The following EPHB1 variants were observed in gnomAD, a reference collection of about 807,000 sequenced individuals.
EPHB1 encodes the protein EPH receptor B1, also known as ephrin type-B receptor 1.
EPHB1 carries 30 observed loss-of-function variants against 94.4 expected under a neutral mutation model. The observed-to-expected ratio is 0.32, with a 90% CI of 0.24 to 0.43. The LOEUF (loss-of-function observed/expected upper bound fraction) is 0.43, where lower values mean the gene tolerates loss of function less well. Ranked by LOEUF, EPHB1 falls within the 20% of genes least tolerant of loss-of-function variation. The pLI, the probability that EPHB1 is intolerant of heterozygous loss-of-function variation, is 1.00. For missense variants in EPHB1, 1,055 were observed against 1,308.3 expected, an observed-to-expected ratio of 0.81 and a Z score of 2.99; for synonymous variants, 522 against 489.1, an observed-to-expected ratio of 1.07 and a Z score of -0.89.
At chr3:134,816,662 T>C (rs1415988631) in intron 1 of EPHB1, among the ~76,000 whole-genome samples, 1 of 151,978 alleles carries the variant, frequency 6.6e-6, no homozygotes, top group Non-Finnish European at 1.5e-5. Flanking sequence ...TCTGGGAAAA[T>C]TGATCCCTAA....
At chr3:135,145,450 T>C (rs895966322) in intron 5 of EPHB1, among the ~76,000 whole-genome samples, 1 of 152,166 alleles carries the variant, frequency 6.6e-6, no homozygotes, top group African/African-American at 2.4e-5. Context: ...TCAGCATTGT[T>C]TGGGTCTCTC....
At chr3:135,157,532 C>T (rs971523484) in intron 6 of EPHB1, among the ~76,000 whole-genome samples, 2 of 152,246 alleles carry the variant, frequency 1.3e-5, no homozygotes, top group Admixed American at 1.3e-4. Context: ...ACATACACAG[C>T]AGCCCAATGC....
chr3:134,872,795 T>A (rs1164302213), intron 1 of EPHB1, among the ~76,000 whole-genome samples: 1 of 152,212 alleles, frequency 6.6e-6, no homozygotes, highest in Non-Finnish European at 1.5e-5. Context: ...AATATTCTTG[T>A]ATGCCTCCCC....
intron 3 of EPHB1, among the ~76,000 whole-genome samples, chr3:135,014,326 C>T (rs922152878): frequency 6.6e-6 from 1 of 152,166 alleles, no homozygotes; most frequent in Non-Finnish European, 1.5e-5. Context: ...GTGGCCCATG[C>T]TCTATGGCCC....
At chr3:135,176,955 C>G (rs897419987) in intron 9 of EPHB1, among the ~76,000 whole-genome samples, 4 of 152,180 alleles carry the variant, frequency 2.6e-5, no homozygotes, top group Non-Finnish European at 5.9e-5. Flanking sequence ...AAGCGGCTTA[C>G]AACCCCCACT....
chr3:134,815,661 G>C (rs995521246), intron 1 of EPHB1, among the ~76,000 whole-genome samples: 2 of 152,144 alleles, frequency 1.3e-5, no homozygotes, highest in African/African-American at 4.8e-5. Context: ...CCTCTAAAAA[G>C]GCTGAACCAA....
chr3:135,169,699 C>G (rs9845406), intron 9 of EPHB1, among the ~76,000 whole-genome samples: 98,726 of 151,990 alleles, frequency 0.65, 32,412 homozygotes, highest in Middle Eastern at 0.77. Context: ...GGTTAGGGAA[C>G]TCCCTACATT....
At chr3:135,142,902 T>G (rs1940876841) in intron 5 of EPHB1, among the ~76,000 whole-genome samples, 1 of 152,128 alleles carries the variant, frequency 6.6e-6, no homozygotes, top group South Asian at 2.1e-4. Flanking sequence ...AGTGGTGGTC[T>G]AGCCAAATGG....
chr3:135,224,406 C>T (rs1405968217), intron 12 of EPHB1, among the ~76,000 whole-genome samples: 2 of 152,160 alleles, frequency 1.3e-5, no homozygotes, highest in Non-Finnish European at 1.5e-5. Flanking sequence ...TGGCTATAAT[C>T]CTACATAAAT....
chr3:135,079,865 T>C (rs1021797896), intron 3 of EPHB1, among the ~76,000 whole-genome samples: 4 of 152,042 alleles, frequency 2.6e-5, no homozygotes, highest in Non-Finnish European at 5.9e-5. Context: ...GCTATCTCCA[T>C]TCTCTAATGC....
chr3:135,074,179 A>C (rs1475223072), intron 3 of EPHB1, among the ~76,000 whole-genome samples: 1 of 152,252 alleles, frequency 6.6e-6, no homozygotes, highest in Non-Finnish European at 1.5e-5. Context: ...TAAGAAAGGC[A>C]TATAAATGCT....
chr3:134,905,453 C>A (rs1204610322), intron 1 of EPHB1, among the ~76,000 whole-genome samples: 1 of 152,232 alleles, frequency 6.6e-6, no homozygotes, highest in African/African-American at 2.4e-5. Flanking sequence ...TTACTGACTG[C>A]CCAGCATTGC....
At chr3:135,124,335 A>G (rs949754186) in intron 4 of EPHB1, among the ~76,000 whole-genome samples, 2 of 151,772 alleles carry the variant, frequency 1.3e-5, no homozygotes, top group African/African-American at 4.9e-5. Flanking sequence ...GTGTATCATC[A>G]GAGCCCTATG....
intron 12 of EPHB1, among the ~76,000 whole-genome samples, chr3:135,222,143 C>T (rs1344081698): frequency 6.6e-6 from 1 of 152,174 alleles, no homozygotes; most frequent in Non-Finnish European, 1.5e-5. Flanking sequence ...GAGGTATTTA[C>T]TTCATGAGCC....
At chr3:135,194,168 C>T (rs1942535151) in intron 11 of EPHB1, among the ~76,000 whole-genome samples, 1 of 152,180 alleles carries the variant, frequency 6.6e-6, no homozygotes. Context: ...GGGGAGAAAA[C>T]AGGCCCCACA....
intron 4 of EPHB1, among the ~76,000 whole-genome samples, chr3:135,107,062 C>A (rs1226475382): frequency 1.3e-5 from 2 of 152,182 alleles, no homozygotes; most frequent in African/African-American, 4.8e-5. Context: ...CTGTACTTAT[C>A]TCAGTTACCA....
intron 1 of EPHB1, among the ~76,000 whole-genome samples, chr3:134,920,581 T>C (rs1400018461): frequency 6.6e-6 from 1 of 152,228 alleles, no homozygotes; most frequent in African/African-American, 2.4e-5. Flanking sequence ...GTTACCATGA[T>C]GGAAGGACAC....
chr3:134,979,908 G>GT (rs1447272857), intron 3 of EPHB1, among the ~76,000 whole-genome samples: 5 of 152,048 alleles, frequency 3.3e-5, no homozygotes, highest in Admixed American at 6.6e-5. Flanking sequence ...CCCTTAATCA[G>GT]TTTTTTTTGT....
chr3:134,880,911 G>T (rs2037718431), intron 1 of EPHB1, among the ~76,000 whole-genome samples: 1 of 152,252 alleles, frequency 6.6e-6, no homozygotes, highest in Non-Finnish European at 1.5e-5. Context: ...GAGAGGAAGA[G>T]ATGATGTGAG....
Sources: gnomAD v4.1 joint callset for allele counts (sites outside exome capture counted in the v4.1 genomes callset) on GRCh38, gnomAD v4.1.1 for gene constraint, MANE v1.5 for transcripts, NCBI Gene and HGNC (gene_info 2026-07-23, HGNC 2026-07-21) for gene names.